RIMS1: variants seen among roughly 807,000 people sequenced by gnomAD.
The protein encoded by RIMS1 is regulating synaptic membrane exocytosis 1, also known as regulating synaptic membrane exocytosis protein 1.
A neutral mutation model predicts 214.1 loss-of-function variants in RIMS1; 83 were observed. The observed-to-expected ratio is 0.39, with a 90% CI of 0.32 to 0.47. RIMS1 has a LOEUF of 0.47. RIMS1 is among the 20% of genes least tolerant of loss of function. The pLI is 0.99. For synonymous variants in RIMS1, 793 were observed against 786.8 expected (o/e 1.01, Z -0.13); for missense variants, 2,050 against 2,161.8 (o/e 0.95, Z 1.03).
intron 1 of RIMS1, among the ~76,000 whole-genome samples, chr6:71,898,616 C>T (rs529428757): frequency 3.3e-4 from 51 of 152,242 alleles, no homozygotes; most frequent in African/African-American, 1.1e-3. Flanking sequence ...CCTGCAAATA[C>T]CTGTACCTAA....
At chr6:72,246,733 C>G (rs2069968894) in intron 11 of RIMS1, among the ~76,000 whole-genome samples, 1 of 151,834 alleles carries the variant, frequency 6.6e-6, no homozygotes, top group South Asian at 2.1e-4. Context: ...TTCTGGTGAC[C>G]AATACAAAGA....
chr6:72,309,550 T>C (rs985050766), intron 27 of RIMS1, among the ~76,000 whole-genome samples: 6 of 152,088 alleles, frequency 3.9e-5, no homozygotes, highest in African/African-American at 1.4e-4. Context: ...CCATGTGGCT[T>C]TCAATTTACC....
intron 2 of RIMS1, among the ~76,000 whole-genome samples, chr6:72,060,889 G>A (rs936085894): frequency 3.3e-5 from 5 of 151,998 alleles, no homozygotes; most frequent in East Asian, 3.9e-4. Context: ...TACTTAACAC[G>A]TTTCCTTATA....
chr6:72,352,856 T>G (rs1484360998), intron 29 of RIMS1, among the ~76,000 whole-genome samples: 1 of 152,084 alleles, frequency 6.6e-6, no homozygotes, highest in East Asian at 1.9e-4. Context: ...ATCCCTGACT[T>G]AGCAACCACT....
At chr6:72,034,338 T>G (rs942015349) in intron 2 of RIMS1, among the ~76,000 whole-genome samples, 1 of 152,196 alleles carries the variant, frequency 6.6e-6, no homozygotes, top group African/African-American at 2.4e-5. Context: ...TATACTTATT[T>G]GCTAAATCTG....
intron 7 of RIMS1, among the ~76,000 whole-genome samples, chr6:72,234,177 A>C (rs1207081703): frequency 6.6e-6 from 1 of 151,954 alleles, no homozygotes; most frequent in Non-Finnish European, 1.5e-5. Context: ...AACTATTTAA[A>C]AATGTATACT....
At chr6:71,889,471 G>C (rs751861351) in intron 1 of RIMS1, among the ~76,000 whole-genome samples, 9 of 152,092 alleles carry the variant, frequency 5.9e-5, no homozygotes, top group Non-Finnish European at 1.3e-4. Flanking sequence ...CACTGTATAT[G>C]ATGCTGTTAT....
chr6:72,163,079 G>C (rs1052168152), intron 4 of RIMS1, among the ~76,000 whole-genome samples: 3 of 137,194 alleles, frequency 2.2e-5, no homozygotes, highest in African/African-American at 7.4e-5. Flanking sequence ...TGGAGGCTTT[G>C]TTCATTTCTT....
intron 1 of RIMS1, among the ~76,000 whole-genome samples, chr6:71,961,019 G>C (rs1199060103): frequency 6.6e-6 from 1 of 152,148 alleles, no homozygotes; most frequent in African/African-American, 2.4e-5. Context: ...GGTGGAAAGA[G>C]AGAGCCCTCT....
At chr6:72,294,647 A>G (rs1454217518) in intron 26 of RIMS1, among the ~76,000 whole-genome samples, 1 of 151,536 alleles carries the variant, frequency 6.6e-6, no homozygotes, top group Non-Finnish European at 1.5e-5. Flanking sequence ...CACTGGAAGT[A>G]TTTTTTTTCT....
At chr6:72,134,590 A>G (rs1380489414) in intron 4 of RIMS1, among the ~76,000 whole-genome samples, 1 of 152,102 alleles carries the variant, frequency 6.6e-6, no homozygotes, top group South Asian at 2.1e-4. Context: ...ACTGAGTCTC[A>G]GTTTCTTATT....
chr6:71,992,558 CTCT>C (rs200069474), intron 2 of RIMS1, among the ~76,000 whole-genome samples: 10,989 of 146,070 alleles, frequency 0.075, 483 homozygotes, highest in Middle Eastern at 0.14. Flanking sequence ...CTCCTTCTTC[CTCT>C]TCTTCTTCTT....
At chr6:71,929,779 C>G (rs1346468031) in intron 1 of RIMS1, among the ~76,000 whole-genome samples, 1 of 151,890 alleles carries the variant, frequency 6.6e-6, no homozygotes, top group African/African-American at 2.4e-5. Context: ...TGTTTAACAT[C>G]TAATATTAAA....
chr6:72,005,765 A>G (rs751737398), intron 2 of RIMS1, among the ~76,000 whole-genome samples: 1 of 152,218 alleles, frequency 6.6e-6, no homozygotes, highest in Non-Finnish European at 1.5e-5. Flanking sequence ...GAGATAAAGT[A>G]AGGAATTCGA....
At position 72,182,360 on chromosome 6, in the gene RIMS1, T is replaced by A. The variant is rs2048515621; in HGVS notation, c.889T>A (p.Ser297Thr). The change falls in exon 6 of 34, where the codon TCA becomes ACA. Residue 297 changes from serine (S) to threonine (T), a missense_variant. By Grantham distance (58) the Ser-to-Thr change is moderately conservative. Transcript: ENST00000521978. Reference protein sequence around the residue: ...KSERKRVPKTSAQPVEGAVEE... With the variant: ...KSERKRVPKTTAQPVEGAVEE... Reference sequence around the variant, plus strand: ...CGAGCGGAAACGCGTGCCAAAGACCTCAGCGCAGCCCGTGGAGGGGGCCGT... The same window carrying A: ...CGAGCGGAAACGCGTGCCAAAGACCACAGCGCAGCCCGTGGAGGGGGCCGT... The A allele has an allele frequency of 6.2e-7, 1 of 1,613,582 alleles. No homozygotes were observed. The highest frequency in any genetic ancestry group is 1.1e-5 in the South Asian group (1 of 91,076).
chr6:72,266,431 A>G, intron 22 of RIMS1: 2 of 269,582 alleles, frequency 7.4e-6, no homozygotes, highest in Non-Finnish European at 1.5e-5. Context: ...TCTTAGTACC[A>G]CTGATAAATA....
intron 2 of RIMS1, among the ~76,000 whole-genome samples, chr6:72,037,808 A>G (rs1188973043): frequency 6.6e-6 from 1 of 151,544 alleles, no homozygotes; most frequent in Non-Finnish European, 1.5e-5. Context: ...CACTCTTCCT[A>G]TTTTTGGTTG....
chr6:71,927,548 G>C (rs772946916), intron 1 of RIMS1, among the ~76,000 whole-genome samples: 1 of 152,116 alleles, frequency 6.6e-6, no homozygotes, highest in African/African-American at 2.4e-5. Context: ...CATACAGTAT[G>C]AAATACATGA....
chr6:72,052,700 A>G (rs912373791), intron 2 of RIMS1, among the ~76,000 whole-genome samples: 2 of 152,184 alleles, frequency 1.3e-5, no homozygotes, highest in Non-Finnish European at 1.5e-5. Context: ...CTGAGGTTTA[A>G]TGAGAGCTAA....
Sources: allele counts gnomAD v4.1 joint callset (sites outside exome capture counted in the v4.1 genomes callset), GRCh38; gene constraint gnomAD v4.1.1; transcripts MANE v1.5; gene names NCBI Gene and HGNC (gene_info 2026-07-23, HGNC 2026-07-21).